L3MBTL4: variants seen among roughly 807,000 people sequenced by gnomAD.
L3MBTL4 encodes the protein lethal(3)malignant brain tumor-like protein 4.
In L3MBTL4, 70 loss-of-function variants were observed where a neutral mutation model predicts 84.5. The ratio of observed to expected loss-of-function variants is 0.83; its 90% confidence interval spans 0.68 to 1.01. The LOEUF (loss-of-function observed/expected upper bound fraction) is 1.01, where lower values mean the gene tolerates loss of function less well. L3MBTL4 is among the 50% of genes least tolerant of loss of function. The pLI, the probability that L3MBTL4 is intolerant of heterozygous loss-of-function variation, is 0.00. For synonymous variants in L3MBTL4, 274 were observed against 259.8 expected, an observed-to-expected ratio of 1.05 and a Z score of -0.52; for missense variants, 715 against 754.8, an observed-to-expected ratio of 0.95 and a Z score of 0.62.
intron 3 of L3MBTL4, among the ~76,000 whole-genome samples, chr18:6,302,749 C>G (rs1599553371): frequency 6.6e-6 from 1 of 152,264 alleles, no homozygotes; most frequent in East Asian, 1.9e-4. Flanking sequence ...CTTTGGGAGG[C>G]CAAGGTAGGT....
intron 1 of L3MBTL4, among the ~76,000 whole-genome samples, chr18:6,352,497 T>G (rs2143802963): frequency 6.6e-6 from 1 of 152,366 alleles, no homozygotes; most frequent in East Asian, 1.9e-4. Context: ...ATGCTCTATC[T>G]TCTGATCTAG....
At chr18:5,972,899 GAATAGAATAGAATAGAATAGAAT>G (rs2052719108) in intron 16 of L3MBTL4, among the ~76,000 whole-genome samples, 6 of 11,238 alleles carry the variant, frequency 5.3e-4, no homozygotes, top group African/African-American at 2.5e-3. Flanking sequence ...GAAGAGAATA[GAATAGAATAGAATAGAATAGAAT>G]AGAATAGAAT....
At chr18:6,188,707 C>T (rs1001541400) in intron 12 of L3MBTL4, among the ~76,000 whole-genome samples, 1 of 152,202 alleles carries the variant, frequency 6.6e-6, no homozygotes, top group Non-Finnish European at 1.5e-5. Flanking sequence ...TAGGGGCTGG[C>T]TGGCTGTGTT....
chr18:6,184,769 C>T (rs973854498), intron 12 of L3MBTL4, among the ~76,000 whole-genome samples: 3 of 152,050 alleles, frequency 2.0e-5, no homozygotes, highest in South Asian at 2.1e-4. Flanking sequence ...AGGGGAGAAA[C>T]GAGAGCTCCA....
At chr18:6,054,238 G>A (rs1204430212) in intron 16 of L3MBTL4, among the ~76,000 whole-genome samples, 1 of 152,002 alleles carries the variant, frequency 6.6e-6, no homozygotes, top group Non-Finnish European at 1.5e-5. Context: ...CAAACAGATT[G>A]TCTCATACAT....
chr18:6,285,926 G>A (rs1409669552), intron 4 of L3MBTL4, among the ~76,000 whole-genome samples: 1 of 151,140 alleles, frequency 6.6e-6, no homozygotes, highest in Non-Finnish European at 1.5e-5. Context: ...CCGCCTCCCG[G>A]GTTCAAGCGA....
At chr18:6,348,516 A>C (rs1158618146) in intron 1 of L3MBTL4, among the ~76,000 whole-genome samples, 1 of 152,188 alleles carries the variant, frequency 6.6e-6, no homozygotes, top group Non-Finnish European at 1.5e-5. Flanking sequence ...TTGAATGAAT[A>C]GTACTGGGGC....
At chr18:6,013,513 C>T (rs1212965228) in intron 16 of L3MBTL4, among the ~76,000 whole-genome samples, 1 of 152,196 alleles carries the variant, frequency 6.6e-6, no homozygotes, top group African/African-American at 2.4e-5. Flanking sequence ...TCCTGCTCAC[C>T]GTCTCTCCCC....
intron 16 of L3MBTL4, among the ~76,000 whole-genome samples, chr18:6,026,706 A>G (rs1368390809): frequency 6.6e-6 from 1 of 152,214 alleles, no homozygotes; most frequent in African/African-American, 2.4e-5. Flanking sequence ...GACTTATAAT[A>G]GTGACTGAGA....
intron 1 of L3MBTL4, among the ~76,000 whole-genome samples, chr18:6,328,410 T>A (rs996072637): frequency 7.9e-5 from 12 of 152,282 alleles, no homozygotes; most frequent in Non-Finnish European, 1.6e-4. Context: ...TACAACAGAT[T>A]TTCCAACAAA....
intron 1 of L3MBTL4, among the ~76,000 whole-genome samples, chr18:6,392,491 G>A (rs1011140359): frequency 1.3e-5 from 2 of 152,228 alleles, no homozygotes; most frequent in Non-Finnish European, 2.9e-5. Context: ...AGAGGTTGCA[G>A]TGAGCCAAGA....
At chr18:6,401,163 A>G (rs1194668653) in intron 1 of L3MBTL4, among the ~76,000 whole-genome samples, 1 of 152,216 alleles carries the variant, frequency 6.6e-6, no homozygotes. Flanking sequence ...ACTTAAGAGG[A>G]ATATGCCTTT....
At chr18:6,017,711 A>T (rs1382612901) in intron 16 of L3MBTL4, 1 of 152,172 alleles carries the variant, frequency 6.6e-6, no homozygotes, top group Non-Finnish European at 1.5e-5. Context: ...TTTTTTTTTA[A>T]ACTTTTCATT....
At chr18:6,311,512 G>A (rs372703039) in intron 3 of L3MBTL4, 42 bp downstream of exon 3, 94 of 1,538,416 alleles carry the variant, frequency 6.1e-5, no homozygotes, top group Non-Finnish European at 7.2e-5. Flanking sequence ...TTTTGGTAGC[G>A]ATCACACACT....
At chr18:6,323,681 T>C (rs1299254175) in intron 1 of L3MBTL4, among the ~76,000 whole-genome samples, 1 of 152,230 alleles carries the variant, frequency 6.6e-6, no homozygotes, top group African/African-American at 2.4e-5. Context: ...TAACAGCCTA[T>C]GCTCATATGT....
At chr18:6,042,398 G>A (rs1246969440) in intron 16 of L3MBTL4, among the ~76,000 whole-genome samples, 1 of 151,498 alleles carries the variant, frequency 6.6e-6, no homozygotes. Flanking sequence ...CACCAAGCAC[G>A]TAAATCCACA....
At chr18:6,290,200 G>A (rs415598) in intron 4 of L3MBTL4, among the ~76,000 whole-genome samples, 4,780 of 152,088 alleles carry the variant, frequency 0.031, 195 homozygotes, top group African/African-American at 0.097. Flanking sequence ...ACAGGCATGA[G>A]GTGCCGTGCC....
intron 8 of L3MBTL4, among the ~76,000 whole-genome samples, chr18:6,240,505 A>G (rs1032367475): frequency 2.0e-5 from 3 of 151,952 alleles, no homozygotes; most frequent in African/African-American, 7.2e-5. Flanking sequence ...ACTATGAACT[A>G]TGATTTACAA....
intron 1 of L3MBTL4, chr18:6,394,743 T>G: frequency 6.6e-6 from 1 of 152,214 alleles, no homozygotes; most frequent in East Asian, 1.9e-4. Context: ...TTTATAAATC[T>G]AATAAAAGCA....
Sources: gnomAD v4.1 joint callset for allele counts (sites outside exome capture counted in the v4.1 genomes callset) on GRCh38, gnomAD v4.1.1 for gene constraint, MANE v1.5 for transcripts, NCBI Gene and HGNC (gene_info 2026-07-23, HGNC 2026-07-21) for gene names.